Variants in CACNA1A observed in about 807,000 individuals in gnomAD.
The protein encoded by CACNA1A is calcium voltage-gated channel subunit alpha1 A.
CACNA1A carries 57 observed loss-of-function variants against 262.4 expected under a neutral mutation model. The ratio of observed to expected loss-of-function variants is 0.22; its 90% CI spans 0.18 to 0.27. The LOEUF (loss-of-function observed/expected upper bound fraction) is 0.27. CACNA1A is among the 10% of genes least tolerant of loss of function. The pLI is 1.00. For synonymous variants in CACNA1A, 1,431 were observed against 1,419.3 expected (o/e 1.01, Z -0.18); for missense variants, 2,526 against 3,562.8 (o/e 0.71, Z 7.41).
chr19:13,261,235 C>A, intron 26 of CACNA1A: 2 of 485,950 alleles, frequency 4.1e-6, no homozygotes, highest in Non-Finnish European at 7.3e-6. Context: ...AAAGGTCAAT[C>A]AATTTGCTTA....
In CACNA1A at chr19:13,387,393, C is replaced by G. The variant is rs150790270; in HGVS notation, c.540-15614G>C. Reference sequence around the variant, plus strand: ...CTGAGAGCTCATTTTATGCTGCTTACCAGGGACTTGTTCTATTCTCCCTTT... The same window carrying G: ...CTGAGAGCTCATTTTATGCTGCTTAGCAGGGACTTGTTCTATTCTCCCTTT... On this transcript the variant is annotated intron_variant, in intron 3 of 46. Transcript: ENST00000360228. Among the ~76,000 whole-genome samples, 17 of 152,272 alleles carry G rather than the reference C, an allele frequency of 1.1e-4. 1 individual carries two copies. Among genetic ancestry groups the G allele is most frequent in the African/African-American group, 2.9e-4 (12 of 41,550 alleles).
chr19:13,464,051 G>T (rs1255173920), intron 1 of CACNA1A, among the ~76,000 whole-genome samples: 2 of 152,172 alleles, frequency 1.3e-5, no homozygotes, highest in African/African-American at 4.8e-5. Flanking sequence ...CTCAAGGAAT[G>T]TGAGTGTTTT....
intron 38 of CACNA1A, among the ~76,000 whole-genome samples, chr19:13,219,737 G>A (rs556919468): frequency 2.0e-5 from 3 of 150,758 alleles, no homozygotes; most frequent in East Asian, 2.0e-4. Flanking sequence ...GGCAGATCAC[G>A]AGGTTGGGAG....
chr19:13,261,784 A>G, intron 25 of CACNA1A, 174 bp from the exon 26 acceptor site: 1 of 601,444 alleles, frequency 1.7e-6, no homozygotes, highest in Non-Finnish European at 2.9e-6. Context: ...GCGTTGGAGG[A>G]GTTGGACTCA....
chr19:13,223,665 G>A (rs2055322130), intron 38 of CACNA1A, among the ~76,000 whole-genome samples: 1 of 152,170 alleles, frequency 6.6e-6, no homozygotes, highest in Non-Finnish European at 1.5e-5. Flanking sequence ...CTCAGAAGGT[G>A]AGTCAGCTCA....
intron 3 of CACNA1A, among the ~76,000 whole-genome samples, chr19:13,380,328 G>A (rs2059497172): frequency 7.2e-6 from 1 of 138,738 alleles, no homozygotes; most frequent in African/African-American, 2.7e-5. Flanking sequence ...GCACTGCCCA[G>A]GAGAAATCTA....
rs1341739395 is a variant in CACNA1A, at chr19:13,506,365, G to T, written c.-141C>A. ...AGCTACGACTGCGGAGACGCTCCAC[G>T]GCCCAGCCCATCGGGCGGCGGCGGC... On this transcript the variant is annotated 5_prime_UTR_variant, in exon 1 of 47. Coordinates refer to ENST00000360228, the MANE Select transcript of CACNA1A (RefSeq NM_001127222.2). 2.1e-5 allele frequency: 14 copies of T among 671,754 alleles called. No homozygotes were observed. Among genetic ancestry groups the T allele is most frequent in the Non-Finnish European group, 3.0e-5 (14 of 471,056 alleles). 41.6% of individuals were successfully genotyped at this position (671,754 alleles called of 1,614,324 possible).
intron 31 of CACNA1A, among the ~76,000 whole-genome samples, chr19:13,240,807 CTG>C (rs911418380): frequency 6.6e-6 from 1 of 151,772 alleles, no homozygotes; most frequent in Non-Finnish European, 1.5e-5. Flanking sequence ...TGCACAGTGA[CTG>C]TGTGTGCAGT....
chr19:13,413,913 AAG>A (rs1326367428), intron 3 of CACNA1A, among the ~76,000 whole-genome samples: 3 of 112,736 alleles, frequency 2.7e-5, no homozygotes, highest in Non-Finnish European at 6.9e-5. Flanking sequence ...GAAAGAAAGA[AAG>A]AAAGAAAGAA....
At chr19:13,413,395 C>T (rs1268378962) in intron 3 of CACNA1A, among the ~76,000 whole-genome samples, 13 of 150,776 alleles carry the variant, frequency 8.6e-5, no homozygotes, top group African/African-American at 2.7e-4. Context: ...TGTGAGCCAC[C>T]GTGCCCGGCC....
At chr19:13,270,499 A>G (rs1462005474) in intron 24 of CACNA1A, among the ~76,000 whole-genome samples, 3 of 152,130 alleles carry the variant, frequency 2.0e-5, no homozygotes, top group Non-Finnish European at 4.4e-5. Context: ...ATCCGATAAC[A>G]AGGAAAGACA....
chr19:13,476,269 C>T (rs1053015673), intron 1 of CACNA1A, among the ~76,000 whole-genome samples: 1 of 152,166 alleles, frequency 6.6e-6, no homozygotes, highest in Admixed American at 6.5e-5. Context: ...CTAACCCAAG[C>T]CAGACTGGAA....
In CACNA1A at chr19:13,506,471, A is replaced by C. The variant is rs1599397758; in HGVS notation, c.-247T>G. ...GCAGCTCGGGACATCTTCCTGGCTG[A>C]CCCCGGAGAAGGAGGGGCGGGAGGA... On this transcript the variant is annotated 5_prime_UTR_variant, in exon 1 of 47. Transcript: ENST00000360228. 2 of 163,326 alleles carry C rather than the reference A, an allele frequency of 1.2e-5. No individual in the cohort carries two copies. Among genetic ancestry groups the C allele is most frequent in the Non-Finnish European group, 1.1e-5 (1 of 88,178 alleles). The allele number at this position is 163,326 out of a possible 1,614,324, so 10.1% of individuals were successfully genotyped here.
intron 1 of CACNA1A, among the ~76,000 whole-genome samples, chr19:13,491,309 C>T (rs954579222): frequency 9.9e-5 from 15 of 152,258 alleles, no homozygotes; most frequent in African/African-American, 3.6e-4. Context: ...GCTCTGGGGG[C>T]TGGGATGAAG....
intron 1 of CACNA1A, among the ~76,000 whole-genome samples, chr19:13,485,461 T>C (rs1228255857): frequency 6.6e-6 from 1 of 151,730 alleles, no homozygotes; most frequent in Non-Finnish European, 1.5e-5. Flanking sequence ...AGAGAAAATA[T>C]TGCACAACAT....
chr19:13,373,632 G>T lies in CACNA1A; in HGVS notation c.540-1853C>A, dbSNP rs548399370. ...CCCTCTCCTTCTCCAACCCTTCTGG[G>T]GTCACCTCTCAGATGAACTACTTGC... On this transcript the variant is annotated intron_variant, in intron 3 of 46. Transcript: ENST00000360228. 5.3e-5 allele frequency among the ~76,000 whole-genome samples: 8 copies of T among 152,150 alleles called. No individual in the cohort carries two copies. The East Asian group carries it at 1.5e-3, about 29-fold the overall frequency.
intron 3 of CACNA1A, among the ~76,000 whole-genome samples, chr19:13,407,974 C>G (rs554781998): frequency 2.0e-5 from 3 of 152,218 alleles, no homozygotes; most frequent in Non-Finnish European, 4.4e-5. Flanking sequence ...GCACTCCCCC[C>G]CTCACTCTCT....
At chr19:13,480,932 G>A (rs1398664985) in intron 1 of CACNA1A, among the ~76,000 whole-genome samples, 6 of 152,116 alleles carry the variant, frequency 3.9e-5, no homozygotes, top group Non-Finnish European at 8.8e-5. Context: ...TATTATTATT[G>A]TTGTTATTAT....
At chr19:13,270,220 G>A (rs1167236793) in intron 24 of CACNA1A, among the ~76,000 whole-genome samples, 1 of 152,132 alleles carries the variant, frequency 6.6e-6, no homozygotes, top group East Asian at 1.9e-4. Flanking sequence ...AAAAACTGAG[G>A]CACAGAGAGG....
Sources: allele counts gnomAD v4.1 joint callset (sites outside exome capture counted in the v4.1 genomes callset), GRCh38; gene constraint gnomAD v4.1.1; transcripts MANE v1.5; gene names NCBI Gene and HGNC (gene_info 2026-07-23, HGNC 2026-07-21).